IL31RA: variants seen among roughly 807,000 people sequenced by gnomAD.
IL31RA encodes interleukin-31 receptor subunit alpha.
In IL31RA, 66 loss-of-function variants were observed where a neutral mutation model predicts 83.7. That is an observed-to-expected ratio of 0.79 (90% CI 0.65 to 0.97). The LOEUF (loss-of-function observed/expected upper bound fraction) is 0.97. Ranked by LOEUF, IL31RA falls within the 50% of genes least tolerant of loss-of-function variation. The pLI, the probability that IL31RA is intolerant of heterozygous loss-of-function variation, is 0.00. For synonymous variants in IL31RA, 325 were observed against 329.0 expected, an observed-to-expected ratio of 0.99 and a Z score of 0.13; for missense variants, 798 against 919.4, an observed-to-expected ratio of 0.87 and a Z score of 1.71.
At chr5:55,888,404 T>G (rs1359311979) in intron 5 of IL31RA, among the ~76,000 whole-genome samples, 1 of 152,190 alleles carries the variant, frequency 6.6e-6, no homozygotes, top group Non-Finnish European at 1.5e-5. Flanking sequence ...AGGAAGAGGC[T>G]TCCGTGGCTA....
At chr5:55,854,303 G>T (rs530556479) in intron 1 of IL31RA, among the ~76,000 whole-genome samples, 5 of 152,156 alleles carry the variant, frequency 3.3e-5, no homozygotes, top group Admixed American at 6.5e-5. Flanking sequence ...CTCATCTTGG[G>T]CAATGTATAT....
intron 2 of IL31RA, among the ~76,000 whole-genome samples, chr5:55,867,569 T>A (rs1746266848): frequency 6.6e-6 from 1 of 152,206 alleles, no homozygotes; most frequent in South Asian, 2.1e-4. Flanking sequence ...AATAATTGCC[T>A]TAATTTAGGT....
rs113865955 is a variant in IL31RA, at chr5:55,903,823, G to T, written c.1070-2283G>T. ...GGTGGGCTTTCAGGGCTGCCAAAACGAAGCACTGCAGACTGGGGGGCTTCA... is the reference window on the plus strand; with the variant it reads ...GGTGGGCTTTCAGGGCTGCCAAAACTAAGCACTGCAGACTGGGGGGCTTCA... On this transcript the variant is annotated intron_variant, in intron 8 of 14. Coordinates refer to ENST00000652347, the MANE Select transcript of IL31RA (RefSeq NM_139017.7). The surrounding 1 kb of genome is among the most constrained non-coding windows in gnomAD (Gnocchi z 4.7). Among the ~76,000 whole-genome samples the T allele has an allele frequency of 8.1e-3, 1,231 of 152,322 alleles. 16 individuals are homozygous for T. Among genetic ancestry groups the T allele is most frequent in the African/African-American group, 0.028 (1,153 of 41,578 alleles).
At chr5:55,875,417 T>G (rs1360175504) in intron 4 of IL31RA, among the ~76,000 whole-genome samples, 3 of 152,180 alleles carry the variant, frequency 2.0e-5, no homozygotes, top group African/African-American at 4.8e-5. Flanking sequence ...TTTGGAAAAG[T>G]CTGTGAAAGA....
intron 1 of IL31RA, among the ~76,000 whole-genome samples, chr5:55,857,408 C>T (rs184751435): frequency 6.6e-6 from 1 of 152,178 alleles, no homozygotes; most frequent in East Asian, 1.9e-4. Flanking sequence ...AGCCTTTGTT[C>T]ACATTTTTTA....
chr5:55,914,398 A>G (rs1475895996), intron 13 of IL31RA, among the ~76,000 whole-genome samples: 1 of 152,300 alleles, frequency 6.6e-6, no homozygotes, highest in East Asian at 1.9e-4. Flanking sequence ...AAAGCCCCAA[A>G]ATGTTCATTT....
chr5:55,913,817 A>T (rs939273948), intron 13 of IL31RA, among the ~76,000 whole-genome samples: 3 of 152,174 alleles, frequency 2.0e-5, no homozygotes, highest in Non-Finnish European at 4.4e-5. Flanking sequence ...AGGCCAGGAG[A>T]GTGCCAGCTG....
At chr5:55,857,857 C>A (rs1207740081) in intron 1 of IL31RA, among the ~76,000 whole-genome samples, 1 of 152,198 alleles carries the variant, frequency 6.6e-6, no homozygotes, top group Non-Finnish European at 1.5e-5. Context: ...TTCCAACCAC[C>A]TAACACATGG....
At position 55,881,412 on chromosome 5, in the gene IL31RA, G is replaced by C. The variant is rs1417671187; in HGVS notation, c.455-1632G>C. Among the ~76,000 whole-genome samples the C allele has an allele frequency of 2.0e-5, 3 of 152,100 alleles. No individual in the cohort carries two copies. In the East Asian group the frequency reaches 5.8e-4, roughly 29 times the overall value. On this transcript the variant is annotated intron_variant, in intron 4 of 14. Transcript: ENST00000652347. ...AAGAGGGCCAAGTGGGCATCCTGGA[G>C]GTCAAGTGCCCCGTTTGACCTTGGA...
chr5:55,854,195 A>G (rs1467257336), intron 1 of IL31RA, among the ~76,000 whole-genome samples: 2 of 152,160 alleles, frequency 1.3e-5, no homozygotes, highest in Non-Finnish European at 2.9e-5. Context: ...CAGTCTCACT[A>G]CTGGCTGTCT....
Position 55,917,191 on chromosome 5 carries a change from G to C in IL31RA, c.*71G>C. On this transcript the variant is annotated 3_prime_UTR_variant, in exon 15 of 15. Coordinates refer to ENST00000652347, the MANE Select transcript of IL31RA (RefSeq NM_139017.7). ...CTTGCCAGAGAAGATGTCAAGACTC[G>C]GCACGCAGCGCTTGCTTGGCCCTGC... The C allele has an allele frequency of 6.2e-7, 1 of 1,609,258 alleles. No homozygotes were observed. Among genetic ancestry groups the C allele is most frequent in the Non-Finnish European group, 8.5e-7 (1 of 1,179,928 alleles).
At chr5:55,885,520 C>T (rs1747536216) in intron 5 of IL31RA, among the ~76,000 whole-genome samples, 1 of 152,240 alleles carries the variant, frequency 6.6e-6, no homozygotes, top group African/African-American at 2.4e-5. Flanking sequence ...CTGCACAAAG[C>T]GTGAACTTCC....
intron 11 of IL31RA, chr5:55,908,708 T>C: frequency 6.9e-7 from 1 of 1,459,106 alleles, no homozygotes; most frequent in Non-Finnish European, 9.0e-7. Flanking sequence ...TCCCCGACCA[T>C]CATTCCCAGG....
intron 5 of IL31RA, among the ~76,000 whole-genome samples, chr5:55,885,890 C>T (rs528827261): frequency 6.6e-5 from 10 of 152,262 alleles, no homozygotes; most frequent in South Asian, 2.1e-4. Context: ...TCATGGTCTC[C>T]GTGAACCTGA....
intron 2 of IL31RA, among the ~76,000 whole-genome samples, chr5:55,867,312 TGTGTGC>T (rs1208803677): frequency 7.3e-5 from 11 of 150,068 alleles, no homozygotes; most frequent in African/African-American, 2.5e-4. Flanking sequence ...TGCGTGTGTG[TGTGTGC>T]GTGTGTGTGT....
At chr5:55,910,444 G>A in intron 11 of IL31RA, 88 bp from the exon 12 acceptor site, 2 of 1,459,112 alleles carry the variant, frequency 1.4e-6, no homozygotes, top group Non-Finnish European at 1.9e-6. Context: ...TGGAAGCACA[G>A]GTTCCAATGC....
chr5:55,839,965 A>C, the IL31RA span: 1 of 634,942 alleles, frequency 1.6e-6, no homozygotes, highest in Non-Finnish European at 2.9e-6. Context: ...GCCAAGCAAG[A>C]CCAGGGCAAG....
chr5:55,921,345 A>G lies in IL31RA; in HGVS notation c.*4225A>G, dbSNP rs1043674061. The stretch of plus-strand genomic sequence containing the variant: ...ATATATAAAAATTCATGCATGAGCA[A>G]AGCATTTTGAACATCCATGAAAAAC... On this transcript the variant is annotated 3_prime_UTR_variant, in exon 15 of 15. Transcript: ENST00000652347. Among the ~76,000 whole-genome samples, 13 of 152,238 alleles carry G rather than the reference A, an allele frequency of 8.5e-5. No homozygotes were observed. Among genetic ancestry groups the G allele is most frequent in the African/African-American group, 2.9e-4 (12 of 41,454 alleles).
chr5:55,897,001 A>AAAAAAAAAAT (rs1561108312), intron 7 of IL31RA, among the ~76,000 whole-genome samples: 1 of 452 alleles, frequency 2.2e-3, no homozygotes, highest in Non-Finnish European at 5.3e-3. Flanking sequence ...AAAAAAAAAA[A>AAAAAAAAAAT]TATATATATA....
Sources: allele counts gnomAD v4.1 joint callset (sites outside exome capture counted in the v4.1 genomes callset), GRCh38; gene constraint gnomAD v4.1.1; non-coding constraint Gnocchi (gnomAD v3.1); transcripts MANE v1.5; gene names NCBI Gene and HGNC (gene_info 2026-07-23, HGNC 2026-07-21).